The following MAPK10 variants were observed in gnomAD, a reference collection of about 807,000 sequenced individuals.
MAPK10 encodes JNK3 alpha protein kinase.
MAPK10 carries 25 observed loss-of-function variants against 59.3 expected under a neutral mutation model. The observed-to-expected ratio is 0.42, with a 90% CI of 0.31 to 0.59. The LOEUF (loss-of-function observed/expected upper bound fraction) is 0.59, where lower values mean the gene tolerates loss of function less well. Among genes scored for constraint, MAPK10 ranks in the 20% least tolerant of loss-of-function variants. The probability of loss-of-function intolerance (pLI) is 0.15; values close to 1 mark genes in which losing one functional copy is unlikely to be tolerated. For synonymous variants in MAPK10, 190 were observed against 200.5 expected (o/e 0.95, Z 0.44); for missense variants, 351 against 568.9 (o/e 0.62, Z 3.90).
At chr4:86,064,214 T>C in intron 11 of MAPK10, 52 bp downstream of exon 11, 1 of 1,607,374 alleles carries the variant, frequency 6.2e-7, no homozygotes, top group Non-Finnish European at 8.5e-7. Context: ...CAGTTTTTGC[T>C]ATGAGCTATG....
intron 2 of MAPK10, among the ~76,000 whole-genome samples, chr4:86,282,499 A>G (rs2094845598): frequency 6.6e-6 from 1 of 152,200 alleles, no homozygotes; most frequent in African/African-American, 2.4e-5. Context: ...AGAAACGCCA[A>G]TGGAGATCAT....
chr4:86,190,007 T>C (rs1324652473), intron 3 of MAPK10, among the ~76,000 whole-genome samples: 2 of 152,138 alleles, frequency 1.3e-5, no homozygotes, highest in Non-Finnish European at 2.9e-5. Flanking sequence ...GAGATAAACA[T>C]GTGGTTTTTG....
chr4:86,252,020 G>GTTGT (rs533314817), intron 2 of MAPK10, among the ~76,000 whole-genome samples: 2,284 of 108,770 alleles, frequency 0.021, 81 homozygotes, highest in Middle Eastern at 0.037. Flanking sequence ...TTTTGATGGG[G>GTTGT]TTGTTTTTTT....
intron 2 of MAPK10, chr4:86,268,399 C>A (rs563215439): frequency 5.3e-5 from 8 of 152,248 alleles, no homozygotes; most frequent in Admixed American, 5.2e-4. Flanking sequence ...TTAATGTCCA[C>A]ACAGCAACCA....
chr4:86,038,243 C>T (rs1255208312), intron 11 of MAPK10, among the ~76,000 whole-genome samples: 1 of 152,156 alleles, frequency 6.6e-6, no homozygotes, highest in Non-Finnish European at 1.5e-5. Flanking sequence ...TAAGGATCTC[C>T]CTGTGTTCTG....
intron 9 of MAPK10, among the ~76,000 whole-genome samples, chr4:86,098,260 A>T (rs1197701718): frequency 6.6e-6 from 1 of 152,202 alleles, no homozygotes; most frequent in East Asian, 1.9e-4. Flanking sequence ...TTTGTTATTA[A>T]AGAAAAATAG....
intron 3 of MAPK10, among the ~76,000 whole-genome samples, chr4:86,172,287 C>A (rs1269027089): frequency 1.4e-5 from 2 of 144,336 alleles, no homozygotes; most frequent in East Asian, 3.9e-4. Flanking sequence ...ATGTTTATTG[C>A]GGCACTATTC....
At chr4:86,523,332 T>C (rs1757257161) in intron 1 of MAPK10, among the ~76,000 whole-genome samples, 1 of 152,224 alleles carries the variant, frequency 6.6e-6, no homozygotes, top group African/African-American at 2.4e-5. Flanking sequence ...AAGTCTTTAA[T>C]AGAGCTATCC....
chr4:86,484,515 CTG>C (rs1211271665), intron 1 of MAPK10, among the ~76,000 whole-genome samples: 1 of 152,120 alleles, frequency 6.6e-6, no homozygotes, highest in Non-Finnish European at 1.5e-5. Flanking sequence ...CTTTGTGACT[CTG>C]TGCAAGTTGT....
At chr4:86,341,417 T>C (rs1280234331) in intron 2 of MAPK10, among the ~76,000 whole-genome samples, 1 of 152,120 alleles carries the variant, frequency 6.6e-6, no homozygotes, top group Non-Finnish European at 1.5e-5. Flanking sequence ...CATACTGATA[T>C]AGATCTTGAG....
At chr4:86,587,908 T>G (rs1565083531) in intron 1 of MAPK10, among the ~76,000 whole-genome samples, 1 of 152,210 alleles carries the variant, frequency 6.6e-6, no homozygotes, top group Non-Finnish European at 1.5e-5. Flanking sequence ...TCCCAGCTAC[T>G]TGGTAGGCTG....
chr4:86,049,721 TACC>T (rs1312334265), intron 11 of MAPK10, among the ~76,000 whole-genome samples: 1 of 152,186 alleles, frequency 6.6e-6, no homozygotes, highest in East Asian at 1.9e-4. Context: ...GATGCAATTA[TACC>T]ACCATCTCTG....
At chr4:86,183,025 A>T (rs1432948269) in intron 3 of MAPK10, among the ~76,000 whole-genome samples, 1 of 152,130 alleles carries the variant, frequency 6.6e-6, no homozygotes, top group African/African-American at 2.4e-5. Flanking sequence ...GACTTTCTGT[A>T]TTTTAAAAAA....
chr4:86,311,051 C>T (rs1416710889), intron 2 of MAPK10, among the ~76,000 whole-genome samples: 1 of 151,824 alleles, frequency 6.6e-6, no homozygotes, highest in East Asian at 1.9e-4. Context: ...CACACACACA[C>T]ACACACACAC....
chr4:86,110,161 C>T (rs1200380313), intron 4 of MAPK10, among the ~76,000 whole-genome samples: 1 of 152,110 alleles, frequency 6.6e-6, no homozygotes, highest in South Asian at 2.1e-4. Context: ...AAAGTTTTCT[C>T]GCATTCTGTA....
At chr4:86,291,359 G>A (rs1054363769) in intron 2 of MAPK10, among the ~76,000 whole-genome samples, 4 of 152,118 alleles carry the variant, frequency 2.6e-5, no homozygotes, top group Non-Finnish European at 5.9e-5. Flanking sequence ...TACAGGTCCC[G>A]AGTCGGCCAA....
At chr4:86,151,237 G>A (rs2066396140) in intron 4 of MAPK10, among the ~76,000 whole-genome samples, 2 of 152,160 alleles carry the variant, frequency 1.3e-5, no homozygotes, top group South Asian at 4.1e-4. Flanking sequence ...ACATGCCTGA[G>A]TCCATCTGTT....
intron 1 of MAPK10, among the ~76,000 whole-genome samples, chr4:86,442,000 G>A (rs1194208411): frequency 2.6e-5 from 4 of 152,102 alleles, no homozygotes; most frequent in African/African-American, 4.8e-5. Context: ...GCAAAAATTC[G>A]TACATTCCCT....
intron 2 of MAPK10, among the ~76,000 whole-genome samples, chr4:86,346,704 A>C (rs550430007): frequency 6.7e-6 from 1 of 149,292 alleles, no homozygotes; most frequent in East Asian, 2.0e-4. Context: ...CATCCCAGGA[A>C]TACTGTATTT....
Sources: gnomAD v4.1 joint callset for allele counts (sites outside exome capture counted in the v4.1 genomes callset) on GRCh38, gnomAD v4.1.1 for gene constraint, MANE v1.5 for transcripts, NCBI Gene and HGNC (gene_info 2026-07-23, HGNC 2026-07-21) for gene names.